SAMTOR: variants seen among roughly 807,000 people sequenced by gnomAD.
The protein encoded by SAMTOR is UPF0532 protein C7orf60.
At chr7:112,920,744 C>T in the SAMTOR span, among the ~76,000 whole-genome samples, 39 of 149,686 alleles carry the variant, frequency 2.6e-4, no homozygotes, top group South Asian at 5.5e-3. Context: ...TAAGCAACTT[C>T]CGCAAAGTCT....
chr7:112,871,732 T>C, the SAMTOR span, among the ~76,000 whole-genome samples: 15 of 143,442 alleles, frequency 1.0e-4, no homozygotes, highest in Non-Finnish European at 2.1e-4. Flanking sequence ...ATAAACAAGA[T>C]TGACAGACCA....
the SAMTOR span, among the ~76,000 whole-genome samples, chr7:112,876,614 C>T: frequency 3.9e-5 from 6 of 152,118 alleles, no homozygotes; most frequent in African/African-American, 1.4e-4. Flanking sequence ...TCTATTATTA[C>T]TGTAATTGGT....
the SAMTOR span, chr7:112,832,773 T>A: frequency 1.4e-6 from 1 of 703,020 alleles, no homozygotes; most frequent in Non-Finnish European, 2.5e-6. Context: ...AGGACCCTTT[T>A]ACACATATAA....
the SAMTOR span, among the ~76,000 whole-genome samples, chr7:112,859,565 T>A: frequency 3.9e-5 from 6 of 152,150 alleles, no homozygotes. Flanking sequence ...CCATGGGAGA[T>A]GAGAGCTCCT....
chr7:112,930,321 G>C, the SAMTOR span, among the ~76,000 whole-genome samples: 3 of 152,084 alleles, frequency 2.0e-5, no homozygotes, highest in Non-Finnish European at 4.4e-5. Flanking sequence ...ACATCTAAAA[G>C]TGGGATAAAA....
the SAMTOR span, among the ~76,000 whole-genome samples, chr7:112,889,169 T>C: frequency 6.6e-6 from 1 of 152,156 alleles, no homozygotes. Context: ...CTATGGCAAA[T>C]TTTTCATACC....
chr7:112,863,189 A>G, the SAMTOR span, among the ~76,000 whole-genome samples: 1 of 152,226 alleles, frequency 6.6e-6, no homozygotes, highest in Non-Finnish European at 1.5e-5. Flanking sequence ...TGGAGAAAGA[A>G]TTCTCTATTC....
the SAMTOR span, among the ~76,000 whole-genome samples, chr7:112,909,782 C>G: frequency 6.6e-6 from 1 of 151,536 alleles, no homozygotes; most frequent in African/African-American, 2.4e-5. Context: ...AAATATAAAA[C>G]AAAGTTGTTA....
the SAMTOR span, among the ~76,000 whole-genome samples, chr7:112,876,613 A>C: frequency 5.9e-4 from 90 of 152,252 alleles, 1 homozygote; most frequent in Non-Finnish European, 4.7e-4. Context: ...ATCTATTATT[A>C]CTGTAATTGG....
chr7:112,933,916 GAAAAC>G, the SAMTOR span, among the ~76,000 whole-genome samples: 1 of 152,120 alleles, frequency 6.6e-6, no homozygotes, highest in African/African-American at 2.4e-5. Flanking sequence ...ACTTATTAAA[GAAAAC>G]AAATGCACCA....
the SAMTOR span, among the ~76,000 whole-genome samples, chr7:112,916,669 C>T: frequency 6.6e-6 from 1 of 152,168 alleles, no homozygotes; most frequent in Admixed American, 6.5e-5. Flanking sequence ...CGCAAGGGGT[C>T]AGGGAGTTCC....
At chr7:112,916,418 T>C in the SAMTOR span, among the ~76,000 whole-genome samples, 495 of 152,260 alleles carry the variant, frequency 3.3e-3, no homozygotes, top group Non-Finnish European at 5.3e-3. Flanking sequence ...AGGCCATTAA[T>C]TGGGGACAGA....
the SAMTOR span, among the ~76,000 whole-genome samples, chr7:112,884,547 C>T: frequency 1.3e-5 from 2 of 152,150 alleles, no homozygotes; most frequent in African/African-American, 4.8e-5. Flanking sequence ...AGTCCGAAAT[C>T]CAATAGGGCA....
chr7:112,924,318 AAAGG>A, the SAMTOR span, among the ~76,000 whole-genome samples: 2 of 152,268 alleles, frequency 1.3e-5, no homozygotes, highest in East Asian at 1.9e-4. Flanking sequence ...TTTAAACAGA[AAAGG>A]AATTATAATA....
the SAMTOR span, among the ~76,000 whole-genome samples, chr7:112,825,500 T>A: frequency 2.6e-5 from 4 of 152,240 alleles, no homozygotes; most frequent in African/African-American, 9.6e-5. Flanking sequence ...TGGTTGCTGC[T>A]AGTATATACA....
the SAMTOR span, among the ~76,000 whole-genome samples, chr7:112,853,492 TTTTG>T: frequency 1.3e-3 from 203 of 152,232 alleles, no homozygotes; most frequent in African/African-American, 4.7e-3. Context: ...TCCTACATAA[TTTTG>T]TTTGGTGTGT....
At chr7:112,848,723 ACT>A in the SAMTOR span, among the ~76,000 whole-genome samples, 2 of 152,222 alleles carry the variant, frequency 1.3e-5, no homozygotes, top group African/African-American at 2.4e-5. Flanking sequence ...CTTTCCACAG[ACT>A]CTCTGAATCT....
the SAMTOR span, among the ~76,000 whole-genome samples, chr7:112,870,750 TAAA>T: frequency 0.012 from 1,566 of 135,690 alleles, 27 homozygotes; most frequent in African/African-American, 0.039. Context: ...GAAATTGGAT[TAAA>T]AAAAAAAAAA....
At chr7:112,902,428 AC>A in the SAMTOR span, among the ~76,000 whole-genome samples, 11,065 of 52,880 alleles carry the variant, frequency 0.21, 2,792 homozygotes, top group Non-Finnish European at 0.25. Flanking sequence ...AAAAAAAAAA[AC>A]AAAAAAAAAC....
Sources: gnomAD v4.1 joint callset for allele counts (sites outside exome capture counted in the v4.1 genomes callset) on GRCh38, gnomAD v4.1.1 for gene constraint, MANE v1.5 for transcripts, NCBI Gene and HGNC (gene_info 2026-07-23, HGNC 2026-07-21) for gene names.